NELL1: variants seen among roughly 807,000 people sequenced by gnomAD.
The protein encoded by NELL1 is protein kinase C-binding protein NELL1.
A neutral mutation model predicts 107.4 loss-of-function variants in NELL1; 76 were observed. That is an observed-to-expected ratio of 0.71 (90% CI 0.59 to 0.86). The LOEUF (loss-of-function observed/expected upper bound fraction) is 0.86. Ranked by LOEUF, NELL1 falls within the 40% of genes least tolerant of loss-of-function variation. The pLI, the probability that NELL1 is intolerant of heterozygous loss-of-function variation, is 0.00. For missense variants in NELL1, 1,024 were observed against 1,005.5 expected (o/e 1.02, Z -0.25); for synonymous variants, 353 against 341.2 (o/e 1.03, Z -0.38).
intron 15 of NELL1, among the ~76,000 whole-genome samples, chr11:21,438,441 G>A (rs1019426930): frequency 6.6e-6 from 1 of 152,056 alleles, no homozygotes. Context: ...GACTCAGAGA[G>A]AACTTTTTGT....
intron 14 of NELL1, among the ~76,000 whole-genome samples, chr11:21,241,008 G>A (rs1437435522): frequency 2.0e-5 from 3 of 152,068 alleles, no homozygotes; most frequent in African/African-American, 7.2e-5. Flanking sequence ...TTACATAGAT[G>A]TTTGTTAACC....
At position 20,885,553 on chromosome 11, in the gene NELL1, G is replaced by A. The variant is rs747826260; in HGVS notation, c.603+13G>A. 9 of 1,515,054 alleles carry A rather than the reference G, an allele frequency of 5.9e-6. No homozygotes were observed. Among genetic ancestry groups the A allele is most frequent in the East Asian group, 2.3e-5 (1 of 44,346 alleles). The allele number at this position is 1,515,054 out of a possible 1,614,324, so 93.9% of individuals were successfully genotyped here. A position where few individuals can be genotyped will look rare whatever the true frequency, so the allele number is the denominator to read the frequency against. On this transcript the variant is annotated intron_variant, in intron 5 of 19. Coordinates refer to ENST00000357134, the MANE Select transcript of NELL1 (RefSeq NM_006157.5). ...TGGCTTATTCAAAGTAAGCACTAAC[G>A]TTCTTTTTATTGAAGTATATATATA...
At chr11:21,161,950 T>TTTTG (rs1376433940) in intron 13 of NELL1, among the ~76,000 whole-genome samples, 3 of 132,992 alleles carry the variant, frequency 2.3e-5, no homozygotes, top group Admixed American at 7.6e-5. Flanking sequence ...TAATCTTTTT[T>TTTTG]TTTTTTTTTT....
At chr11:20,760,794 C>A (rs1304552833) in intron 2 of NELL1, among the ~76,000 whole-genome samples, 1 of 152,148 alleles carries the variant, frequency 6.6e-6, no homozygotes, top group East Asian at 1.9e-4. Context: ...TTTATTTTTA[C>A]CACTAAATCT....
intron 13 of NELL1, among the ~76,000 whole-genome samples, chr11:21,150,625 A>G (rs1376411363): frequency 6.6e-6 from 1 of 152,190 alleles, no homozygotes; most frequent in African/African-American, 2.4e-5. Context: ...TGGAAAGCAG[A>G]TGGCATTGTT....
intron 14 of NELL1, among the ~76,000 whole-genome samples, chr11:21,292,040 A>G (rs1565151781): frequency 6.6e-6 from 1 of 152,216 alleles, no homozygotes; most frequent in Non-Finnish European, 1.5e-5. Context: ...CTCTCTCAAC[A>G]TTCCTATTCA....
intron 14 of NELL1, among the ~76,000 whole-genome samples, chr11:21,295,932 T>C (rs10833497): frequency 0.91 from 138,605 of 152,048 alleles, 63,431 homozygotes; most frequent in Non-Finnish European, 0.95. Flanking sequence ...TAAAAACCAA[T>C]TCAGCCTGAG....
intron 3 of NELL1, among the ~76,000 whole-genome samples, chr11:20,791,180 CA>C (rs1439407184): frequency 8.5e-5 from 13 of 152,150 alleles, no homozygotes; most frequent in Non-Finnish European, 1.6e-4. Context: ...GCATTGCCAT[CA>C]AAACAATGTC....
At chr11:21,292,654 G>C (rs1046138554) in intron 14 of NELL1, among the ~76,000 whole-genome samples, 3 of 152,136 alleles carry the variant, frequency 2.0e-5, no homozygotes, top group African/African-American at 7.2e-5. Flanking sequence ...AAAGCTGGAG[G>C]CATCATGGTA....
chr11:21,277,891 G>T lies in NELL1; in HGVS notation c.1549+48437G>T, dbSNP rs144628015. On this transcript the variant is annotated intron_variant, in intron 14 of 19. Coordinates refer to ENST00000357134, the MANE Select transcript of NELL1 (RefSeq NM_006157.5). ...AGGAATAGGAACATCACACACCGGG[G>T]CCTGTTGTGGGGTGAGGGAAGGGGG... Among the ~76,000 whole-genome samples the T allele has an allele frequency of 5.6e-3, 846 of 152,254 alleles. 12 individuals carry two copies. Among genetic ancestry groups the T allele is most frequent in the African/African-American group, 0.019 (777 of 41,556 alleles).
intron 13 of NELL1, among the ~76,000 whole-genome samples, chr11:21,164,297 A>G (rs765800133): frequency 6.6e-6 from 1 of 152,174 alleles, no homozygotes; most frequent in Non-Finnish European, 1.5e-5. Context: ...CTTGAGAAAC[A>G]AAGTTCTTTA....
chr11:20,771,330 T>C (rs1035679900), intron 2 of NELL1, among the ~76,000 whole-genome samples: 1 of 152,144 alleles, frequency 6.6e-6, no homozygotes, highest in Non-Finnish European at 1.5e-5. Flanking sequence ...AAGTCATTTC[T>C]CACTGAGCCT....
At chr11:21,453,289 T>G (rs1351196455) in intron 15 of NELL1, among the ~76,000 whole-genome samples, 2 of 152,122 alleles carry the variant, frequency 1.3e-5, no homozygotes, top group Admixed American at 1.3e-4. Context: ...CTTTGAATCT[T>G]TGTTATGTAC....
intron 15 of NELL1, among the ~76,000 whole-genome samples, chr11:21,400,368 C>A (rs1281267244): frequency 1.3e-5 from 2 of 151,832 alleles, no homozygotes; most frequent in Non-Finnish European, 2.9e-5. Context: ...ATGAAATCTG[C>A]CTTTTTATAA....
intron 14 of NELL1, among the ~76,000 whole-genome samples, chr11:21,328,168 G>T (rs905953317): frequency 4.6e-5 from 7 of 152,124 alleles, no homozygotes; most frequent in African/African-American, 1.7e-4. Flanking sequence ...AGGCCTGGAG[G>T]CTTAGGAGGA....
chr11:21,475,365 A>G (rs1854302401), intron 15 of NELL1, among the ~76,000 whole-genome samples: 1 of 152,108 alleles, frequency 6.6e-6, no homozygotes, highest in Non-Finnish European at 1.5e-5. Context: ...AGTATATTGT[A>G]ATGTTGTTCA....
At chr11:21,109,992 A>C (rs1855067501) in intron 12 of NELL1, among the ~76,000 whole-genome samples, 1 of 151,970 alleles carries the variant, frequency 6.6e-6, no homozygotes, top group Non-Finnish European at 1.5e-5. Flanking sequence ...AGAGTTGCCA[A>C]TTTCTTTCTT....
intron 10 of NELL1, among the ~76,000 whole-genome samples, chr11:20,940,387 G>A (rs538682495): frequency 6.6e-6 from 1 of 152,200 alleles, no homozygotes; most frequent in East Asian, 1.9e-4. Flanking sequence ...AGCCTCCTGA[G>A]TAGCTGGAAT....
At chr11:21,035,830 AG>A (rs1163797863) in intron 12 of NELL1, among the ~76,000 whole-genome samples, 1 of 152,110 alleles carries the variant, frequency 6.6e-6, no homozygotes, top group Non-Finnish European at 1.5e-5. Flanking sequence ...GCACAAGACA[AG>A]GGATGCCCTC....
Sources: allele counts gnomAD v4.1 joint callset (sites outside exome capture counted in the v4.1 genomes callset), GRCh38; gene constraint gnomAD v4.1.1; transcripts MANE v1.5; gene names NCBI Gene and HGNC (gene_info 2026-07-23, HGNC 2026-07-21).